The following YAP1 variants were observed in gnomAD, a reference collection of about 807,000 sequenced individuals.
The protein encoded by YAP1 is Yes1 associated transcriptional regulator.
YAP1 carries 5 observed loss-of-function variants against 56.9 expected under a neutral mutation model. The observed-to-expected ratio is 0.09, with a 90% CI of 0.05 to 0.18. YAP1 has a LOEUF of 0.18. Among genes scored for constraint, YAP1 ranks in the 10% least tolerant of loss-of-function variants. The probability of loss-of-function intolerance (pLI) is 1.00; values close to 1 mark genes in which losing one functional copy is unlikely to be tolerated. For synonymous variants in YAP1, 265 were observed against 248.1 expected (o/e 1.07, Z -0.64); for missense variants, 539 against 651.8 (o/e 0.83, Z 1.88).
At chr11:102,197,288 G>T (rs773376980) in intron 4 of YAP1, among the ~76,000 whole-genome samples, 1 of 152,190 alleles carries the variant, frequency 6.6e-6, no homozygotes, top group Non-Finnish European at 1.5e-5. Flanking sequence ...TGTTGTGGGA[G>T]ATTTGATGTA....
intron 2 of YAP1, among the ~76,000 whole-genome samples, chr11:102,147,593 A>C (rs1945397659): frequency 6.6e-6 from 1 of 152,198 alleles, no homozygotes; most frequent in Non-Finnish European, 1.5e-5. Flanking sequence ...TGACCAACTT[A>C]TTGAACAAGA....
At chr11:102,148,516 T>C (rs373598073) in intron 2 of YAP1, among the ~76,000 whole-genome samples, 1 of 152,298 alleles carries the variant, frequency 6.6e-6, no homozygotes, top group East Asian at 1.9e-4. Flanking sequence ...TACACACTGA[T>C]GGTTTTTGGA....
At chr11:102,137,386 T>C (rs1944733818) in intron 2 of YAP1, among the ~76,000 whole-genome samples, 1 of 152,164 alleles carries the variant, frequency 6.6e-6, no homozygotes, top group Non-Finnish European at 1.5e-5. Context: ...TCCTTAAAGT[T>C]TGTGGGATAT....
chr11:102,213,620 ACT>A (rs1949523718), intron 6 of YAP1, among the ~76,000 whole-genome samples: 2 of 152,076 alleles, frequency 1.3e-5, no homozygotes, highest in African/African-American at 4.8e-5. Flanking sequence ...TAAGCCAGTA[ACT>A]CTTCCATTAT....
intron 2 of YAP1, among the ~76,000 whole-genome samples, chr11:102,147,608 C>T (rs1565457975): frequency 6.6e-6 from 1 of 152,140 alleles, no homozygotes; most frequent in South Asian, 2.1e-4. Context: ...ACAAGAAGTA[C>T]AGGCAGAATC....
intron 2 of YAP1, among the ~76,000 whole-genome samples, chr11:102,145,084 G>A (rs942648235): frequency 6.6e-6 from 1 of 152,180 alleles, no homozygotes; most frequent in Non-Finnish European, 1.5e-5. Flanking sequence ...GTCATTTAAT[G>A]CCTCTTGAAT....
intron 1 of YAP1, among the ~76,000 whole-genome samples, chr11:102,113,308 A>G (rs1458896668): frequency 1.3e-5 from 2 of 152,230 alleles, no homozygotes; most frequent in African/African-American, 2.4e-5. Context: ...TCTTTCATAT[A>G]CATCCATTTT....
intron 2 of YAP1, among the ~76,000 whole-genome samples, chr11:102,161,830 A>AT (rs1946309387): frequency 1.3e-5 from 2 of 152,250 alleles, no homozygotes; most frequent in Admixed American, 1.3e-4. Context: ...TAAGAAATCT[A>AT]TATGTATACA....
At position 102,212,167 on chromosome 11, in the gene YAP1, C is replaced by CT. The variant is rs374061813; in HGVS notation, c.1032+2606dup. On this transcript the variant is annotated intron_variant, in intron 6 of 8. Coordinates refer to ENST00000282441, the MANE Select transcript of YAP1 (RefSeq NM_001130145.3). The stretch of plus-strand genomic sequence containing the variant: ...AAAGTTACTGGGTTTTTAACTTATA[C>CT]TTTGTAATAGATATTAATGCAGCTG... Among the ~76,000 whole-genome samples, 876 of 152,286 alleles carry CT rather than the reference C, an allele frequency of 5.8e-3. 6 individuals carry two copies. Among genetic ancestry groups the CT allele is most frequent in the African/African-American group, 0.02 (814 of 41,554 alleles).
Position 102,223,724 on chromosome 11 carries a change from A to G in YAP1, c.1135A>G (p.Thr379Ala). The G allele has an allele frequency of 6.2e-7, 1 of 1,614,156 alleles. No individual in the cohort carries two copies. Among genetic ancestry groups the G allele is most frequent in the Non-Finnish European group, 8.5e-7 (1 of 1,180,014 alleles). Residue 379 changes from threonine (T) to alanine (A), a missense_variant, in exon 7 of 9, where the codon ACC becomes GCC. Physicochemically the swap from Thr to Ala is moderately conservative, Grantham distance 58. This residue lies in a region of YAP1 where 414 missense variants were observed against 512.4 expected (regional missense o/e 0.81). Coordinates refer to ENST00000282441, the MANE Select transcript of YAP1 (RefSeq NM_001130145.3). ...GMSQELRTMT[T>A]NSSDPFLNSG... ...GTCTCAGGAATTGAGAACAATGACG[A>G]CCAATAGCTCAGATCCTTTCCTTAA...
At chr11:102,113,929 A>G (rs1565416507) in intron 1 of YAP1, among the ~76,000 whole-genome samples, 2 of 152,106 alleles carry the variant, frequency 1.3e-5, no homozygotes, top group Non-Finnish European at 2.9e-5. Flanking sequence ...CTGCTCATCA[A>G]TACAATTACA....
chr11:102,114,932 C>A (rs2033081), intron 2 of YAP1, among the ~76,000 whole-genome samples: 76,497 of 151,752 alleles, frequency 0.5, 19,964 homozygotes, highest in South Asian at 0.63. Context: ...TATTTCCCCC[C>A]AAAAATGTAA....
At chr11:102,220,230 T>C (rs1014736535) in intron 6 of YAP1, among the ~76,000 whole-genome samples, 1 of 151,802 alleles carries the variant, frequency 6.6e-6, no homozygotes, top group East Asian at 2.0e-4. Context: ...AGAAAAGAAA[T>C]GGACTTCCCT....
chr11:102,140,403 CAT>C (rs1400891485), intron 2 of YAP1, among the ~76,000 whole-genome samples: 1 of 152,142 alleles, frequency 6.6e-6, no homozygotes, highest in Non-Finnish European at 1.5e-5. Flanking sequence ...ATTTAAAAGT[CAT>C]ATGGGCATTC....
At chr11:102,127,937 G>A (rs1715202624) in intron 2 of YAP1, among the ~76,000 whole-genome samples, 1 of 152,154 alleles carries the variant, frequency 6.6e-6, no homozygotes, top group East Asian at 1.9e-4. Context: ...ACTCGCATGG[G>A]CCCTGTAACC....
chr11:102,143,606 A>G (rs1438738709), intron 2 of YAP1, among the ~76,000 whole-genome samples: 2 of 152,188 alleles, frequency 1.3e-5, no homozygotes, highest in Admixed American at 6.5e-5. Flanking sequence ...ACTACTACAT[A>G]AACTGTAAAG....
At chr11:102,224,149 A>G (rs571296752) in intron 7 of YAP1, among the ~76,000 whole-genome samples, 1 of 152,334 alleles carries the variant, frequency 6.6e-6, no homozygotes, top group Admixed American at 6.5e-5. Flanking sequence ...ATAGCTATTC[A>G]AGCTAAAACG....
intron 6 of YAP1, among the ~76,000 whole-genome samples, chr11:102,214,693 A>G (rs1172156947): frequency 2.0e-5 from 3 of 152,182 alleles, no homozygotes; most frequent in Non-Finnish European, 4.4e-5. Flanking sequence ...GGTACATTGA[A>G]AACTTTATAT....
intron 4 of YAP1, among the ~76,000 whole-genome samples, chr11:102,192,245 C>A (rs572159056): frequency 6.6e-6 from 1 of 152,288 alleles, no homozygotes; most frequent in Admixed American, 6.5e-5. Flanking sequence ...ACTGTGGTTT[C>A]TCTGGTTTTT....
Sources: allele counts gnomAD v4.1 joint callset (sites outside exome capture counted in the v4.1 genomes callset), GRCh38; gene constraint gnomAD v4.1.1; regional missense constraint gnomAD v4.1.1; transcripts MANE v1.5; gene names NCBI Gene and HGNC (gene_info 2026-07-23, HGNC 2026-07-21).